The following MRPL42 variants were observed in gnomAD, a reference collection of about 807,000 sequenced individuals.
MRPL42 encodes the protein large ribosomal subunit protein mL42.
In MRPL42, 17 loss-of-function variants were observed where a neutral mutation model predicts 17.9. The ratio of observed to expected loss-of-function variants is 0.95; its 90% CI spans 0.65 to 1.42. The LOEUF (loss-of-function observed/expected upper bound fraction) is 1.42. Ranked by LOEUF, MRPL42 falls within the 40% of genes most tolerant of loss-of-function variation. The pLI is 0.00. For synonymous variants in MRPL42, 59 were observed against 54.4 expected (o/e 1.08, Z -0.37); for missense variants, 177 against 175.2 (o/e 1.01, Z -0.06).
rs895219044 is a variant in MRPL42, at chr12:93,514,074, C to A, written c.*12853C>A. The A allele has an allele frequency of 3.3e-5, 5 of 152,166 alleles. No homozygotes were observed. The highest frequency in any genetic ancestry group is 7.2e-5 in the African/African-American group (3 of 41,386). 9.4% of individuals were successfully genotyped at this position (152,166 alleles called of 1,614,324 possible). On this transcript the variant is annotated 3_prime_UTR_variant, in exon 6 of 6. Transcript: ENST00000549982. ...CCATGTTGGTCAGGCTGGTCTTGAA[C>A]TCCTGACCTCATGATCTGCCTGCCT...
At chr12:93,477,081 A>T in intron 3 of MRPL42, 64 bp downstream of exon 3, 2 of 1,225,276 alleles carry the variant, frequency 1.6e-6, no homozygotes, top group South Asian at 2.8e-5. Flanking sequence ...ATTTAATTTT[A>T]TTTCTTGTTT....
Position 93,509,972 on chromosome 12 carries a change from T to C in MRPL42, c.*8751T>C, listed in dbSNP as rs1953711464. On this transcript the variant is annotated 3_prime_UTR_variant, in exon 6 of 6. Coordinates refer to ENST00000549982, the MANE Select transcript of MRPL42 (RefSeq NM_014050.4). ...TCATTATCACCCAAAGCCTATTGTT[T>C]CCATTAGGGTTCACTCTTGGTGCTG... 1 of 152,078 alleles carries C rather than the reference T, an allele frequency of 6.6e-6. No individual in the cohort carries two copies. Among genetic ancestry groups the C allele is most frequent in the African/African-American group, 2.4e-5 (1 of 41,390 alleles). 9.4% of individuals were successfully genotyped at this position (152,078 alleles called of 1,614,324 possible). A position where few individuals can be genotyped will look rare whatever the true frequency, so the allele number is the denominator to read the frequency against.
chr12:93,497,760 G>A (rs141002482), intron 5 of MRPL42, among the ~76,000 whole-genome samples: 1,785 of 149,206 alleles, frequency 0.012, 30 homozygotes, highest in African/African-American at 0.038. Context: ...AAAAAAAGGC[G>A]TCCACTCAGG....
chr12:93,499,297 T>C (rs1393842388), intron 5 of MRPL42, among the ~76,000 whole-genome samples: 3 of 148,530 alleles, frequency 2.0e-5, no homozygotes, highest in African/African-American at 7.5e-5. Flanking sequence ...GCTATCAGAG[T>C]CTCAAACATT....
In MRPL42 at chr12:93,487,616, CAA is replaced by C. The variant is rs1953329500; in HGVS notation, c.342_343del (p.Lys114AsnfsTer6). The C allele has an allele frequency of 6.2e-7, 1 of 1,613,190 alleles. No homozygotes were observed. Among genetic ancestry groups the C allele is most frequent in the Non-Finnish European group, 8.5e-7 (1 of 1,179,490 alleles). On this transcript the variant is annotated frameshift_variant, in exon 5 of 6. Coordinates refer to ENST00000549982, the MANE Select transcript of MRPL42 (RefSeq NM_014050.4). LOFTEE classifies it high-confidence loss of function. ...AAGGACCTATGATAGAACAACTTAGCAAAATGTTCTTTACTACTAAGCACCGT... is the reference window on the plus strand; with the variant it reads ...AAGGACCTATGATAGAACAACTTAGCAATGTTCTTTACTACTAAGCACCGT... ...EEGPMIEQLS[K>X]MFFTTKHRWY...
chr12:93,506,457 G>T lies in MRPL42; in HGVS notation c.*5236G>T, dbSNP rs1292131420. On this transcript the variant is annotated 3_prime_UTR_variant, in exon 6 of 6. Transcript: ENST00000549982. ...ATTTTTTGTATTTAGTAGAGATGGG[G>T]TTTCTCCATGTTGGTCAGGCTGGTC... 2 of 151,682 alleles carry T rather than the reference G, an allele frequency of 1.3e-5. No individual in the cohort carries two copies. The highest frequency in any genetic ancestry group is 2.4e-5 in the African/African-American group (1 of 41,212). 9.4% of individuals were successfully genotyped at this position (151,682 alleles called of 1,614,324 possible).
chr12:93,501,878 T>A lies in MRPL42; in HGVS notation c.*657T>A, dbSNP rs1953600685. 1 of 115,562 alleles carries A rather than the reference T, an allele frequency of 8.7e-6. No homozygotes were observed. The allele number at this position is 115,562 out of a possible 1,614,324, so 7.2% of individuals were successfully genotyped here. A position where few individuals can be genotyped will look rare whatever the true frequency, so the allele number is the denominator to read the frequency against. On this transcript the variant is annotated 3_prime_UTR_variant, in exon 6 of 6. Coordinates refer to ENST00000549982, the MANE Select transcript of MRPL42 (RefSeq NM_014050.4). ...GATGTTTCAGTTGGCTTCTAGGAAA[T>A]AATTAAATTAGTGATATTTTAATCA... is the stretch of plus-strand genomic sequence containing the variant.
chr12:93,470,363 T>C, intron 2 of MRPL42: 2 of 913,542 alleles, frequency 2.2e-6, no homozygotes, highest in South Asian at 2.9e-5. Flanking sequence ...TTATAGCTCT[T>C]ATAAACAGCT....
intron 4 of MRPL42, among the ~76,000 whole-genome samples, chr12:93,484,753 C>T (rs1440415451): frequency 6.6e-6 from 1 of 151,032 alleles, no homozygotes. Flanking sequence ...TGCACCACAA[C>T]ACCTGGCTAA....
rs913004044 is a variant in MRPL42, at chr12:93,474,151, T to C, written c.71-2803T>C. ...AGTTTCTTGTTAACTAAAATACTGT[T>C]GTCTTGAGTTTTCTTGTCTGCATAT... is the stretch of plus-strand genomic sequence containing the variant. On this transcript the variant is annotated intron_variant, in intron 2 of 5. Coordinates refer to ENST00000549982, the MANE Select transcript of MRPL42 (RefSeq NM_014050.4). Among the ~76,000 whole-genome samples, 9 of 130,544 alleles carry C rather than the reference T, an allele frequency of 6.9e-5. No homozygotes were observed. The Middle Eastern group carries it at 0.012, about 178-fold the overall frequency. The allele number at this position is 130,544 out of a possible 152,430, so 85.6% of individuals were successfully genotyped here.
intron 3 of MRPL42, among the ~76,000 whole-genome samples, 187 bp from the exon 4 acceptor site, chr12:93,479,201 G>A (rs1880336824): frequency 6.6e-6 from 1 of 151,116 alleles, no homozygotes; most frequent in South Asian, 2.1e-4. Flanking sequence ...GGGATTACAG[G>A]CATGAGCCAC....
In MRPL42 at chr12:93,476,952, A is replaced by C; in HGVS notation, c.71-2A>C. The C allele has an allele frequency of 6.2e-7, 1 of 1,606,888 alleles. No individual in the cohort carries two copies. Among genetic ancestry groups the C allele is most frequent in the Non-Finnish European group, 8.5e-7 (1 of 1,175,550 alleles). On this transcript the variant is annotated splice_acceptor_variant, in intron 2 of 5. Transcript: ENST00000549982. LOFTEE classifies it high-confidence loss of function. ...CTGTTTTACTGTTTGGGGTTTTTGC[A>C]GATGGAGCTTTATATTGTGTTTGTC...
intron 5 of MRPL42, chr12:93,488,486 AT>A (rs1295034194): frequency 5.3e-6 from 2 of 379,258 alleles, no homozygotes; most frequent in African/African-American, 4.2e-5. Flanking sequence ...CTTTCAGTGA[AT>A]TTTGTAAGAG....
At position 93,484,721 on chromosome 12, in the gene MRPL42, C is replaced by T. The variant is rs532848472; in HGVS notation, c.220-2776C>T. 5.3e-5 allele frequency among the ~76,000 whole-genome samples: 8 copies of T among 151,250 alleles called. No individual in the cohort carries two copies. The South Asian group carries it at 1.3e-3, about 24-fold the overall frequency. ...AAACGATTCTTCTGCCTCAGCCTCCCGAGTAGCTGAGGTTACAGGCATGCA... is the reference window on the plus strand; with the variant it reads ...AAACGATTCTTCTGCCTCAGCCTCCTGAGTAGCTGAGGTTACAGGCATGCA... On this transcript the variant is annotated intron_variant, in intron 4 of 5. Coordinates refer to ENST00000549982, the MANE Select transcript of MRPL42 (RefSeq NM_014050.4).
At position 93,502,142 on chromosome 12, in the gene MRPL42, T is replaced by C. The variant is rs1012204218; in HGVS notation, c.*921T>C. 1.1e-4 allele frequency: 17 copies of C among 152,186 alleles called. No homozygotes were observed. The highest frequency in any genetic ancestry group is 3.6e-4 in the African/African-American group (15 of 41,444). The allele number at this position is 152,186 out of a possible 1,614,324, so 9.4% of individuals were successfully genotyped here. ...GGAAATTTTTCTAGATAGAATATTATGTAATTTGTTTTGAAGGTTTTTTTT... is the reference window on the plus strand; with the variant it reads ...GGAAATTTTTCTAGATAGAATATTACGTAATTTGTTTTGAAGGTTTTTTTT... On this transcript the variant is annotated 3_prime_UTR_variant, in exon 6 of 6. Transcript: ENST00000549982.
At chr12:93,487,963 A>T in intron 5 of MRPL42, 1 of 227,296 alleles carries the variant, frequency 4.4e-6, no homozygotes, top group Non-Finnish European at 7.9e-6. Context: ...CACCTGGCTA[A>T]TTTTGTTCTT....
chr12:93,480,408 A>AC (rs1200799969), intron 4 of MRPL42, among the ~76,000 whole-genome samples: 4 of 152,016 alleles, frequency 2.6e-5, no homozygotes, highest in African/African-American at 9.7e-5. Flanking sequence ...GGCATGAGCC[A>AC]CCGTGCCCGG....
rs1953744770 is a variant in MRPL42, at chr12:93,513,475, C to A, written c.*12254C>A. The A allele has an allele frequency of 6.6e-6, 1 of 151,976 alleles. No individual in the cohort carries two copies. The highest frequency in any genetic ancestry group is 1.5e-5 in the Non-Finnish European group (1 of 68,000). The allele number at this position is 151,976 out of a possible 1,614,324, so 9.4% of individuals were successfully genotyped here. On this transcript the variant is annotated 3_prime_UTR_variant, in exon 6 of 6. Transcript: ENST00000549982. ...GTGTTGAGATGACAGGTGTGAGCCA[C>A]CTTGCTTGACCTAAAAACTTTTGAA...
At chr12:93,475,018 G>A (rs1322705581) in intron 2 of MRPL42, among the ~76,000 whole-genome samples, 3 of 152,130 alleles carry the variant, frequency 2.0e-5, no homozygotes, top group African/African-American at 7.2e-5. Flanking sequence ...GCTTGAACAT[G>A]GGAGGCGGAG....
Sources: allele counts gnomAD v4.1 joint callset (sites outside exome capture counted in the v4.1 genomes callset), GRCh38; gene constraint gnomAD v4.1.1; transcripts MANE v1.5; gene names NCBI Gene and HGNC (gene_info 2026-07-23, HGNC 2026-07-21).